Variants in DIAPH3 observed in about 807,000 individuals in gnomAD.
DIAPH3 encodes protein diaphanous homolog 3.
Under a neutral mutation model 144.3 loss-of-function variants are expected in DIAPH3, and 117 were observed. The observed-to-expected ratio is 0.81, with a 90% confidence interval of 0.70 to 0.95. The LOEUF (loss-of-function observed/expected upper bound fraction) is 0.95, where lower values mean the gene tolerates loss of function less well. Among genes scored for constraint, DIAPH3 ranks in the 40% least tolerant of loss-of-function variants. DIAPH3 has a pLI of 0.00. For missense variants in DIAPH3, 1,421 were observed against 1,412.7 expected (o/e 1.01, Z -0.09); for synonymous variants, 519 against 488.9 (o/e 1.06, Z -0.81).
intron 15 of DIAPH3, among the ~76,000 whole-genome samples, chr13:59,973,947 T>TG (rs2050528144): frequency 6.6e-6 from 1 of 152,144 alleles, no homozygotes; most frequent in Non-Finnish European, 1.5e-5. Context: ...ATGTTCTCAT[T>TG]CAGCTAGAGG....
At chr13:59,781,739 T>C (rs2038751145) in intron 25 of DIAPH3, among the ~76,000 whole-genome samples, 1 of 152,218 alleles carries the variant, frequency 6.6e-6, no homozygotes, top group Non-Finnish European at 1.5e-5. Flanking sequence ...TCTATTAATC[T>C]AGAAACAACA....
intron 22 of DIAPH3, chr13:59,861,196 T>C (rs1365766801): frequency 6.9e-7 from 1 of 1,441,752 alleles, no homozygotes; most frequent in Non-Finnish European, 9.1e-7. Flanking sequence ...TTTTATAATA[T>C]AAGGCCTCAT....
chr13:59,867,260 C>T (rs972821316), intron 21 of DIAPH3, among the ~76,000 whole-genome samples: 12 of 151,020 alleles, frequency 7.9e-5, no homozygotes, highest in African/African-American at 2.4e-4. Context: ...CTCTCCACTG[C>T]GCTCCGGCAT....
At chr13:59,781,077 ATTCCATTTTCTTCAGCCACGGTACAAC>A (rs2038711515) in intron 25 of DIAPH3, among the ~76,000 whole-genome samples, 1 of 152,242 alleles carries the variant, frequency 6.6e-6, no homozygotes, top group Non-Finnish European at 1.5e-5. Flanking sequence ...CTCTTTCCTT[ATTCCATTTTCTTCAGCCACGGTACAAC>A]CTGAAATTTT....
chr13:60,079,844 T>C (rs942009179), intron 4 of DIAPH3, among the ~76,000 whole-genome samples: 3 of 151,968 alleles, frequency 2.0e-5, no homozygotes, highest in African/African-American at 7.2e-5. Flanking sequence ...ATGAATCAGA[T>C]TTAAGAAGCC....
At chr13:59,882,942 C>T (rs916882305) in intron 20 of DIAPH3, among the ~76,000 whole-genome samples, 1 of 152,064 alleles carries the variant, frequency 6.6e-6, no homozygotes, top group African/African-American at 2.4e-5. Flanking sequence ...TGTCATATGT[C>T]AGAATGAAGA....
At chr13:60,156,156 T>C (rs1459492429) in intron 1 of DIAPH3, among the ~76,000 whole-genome samples, 1 of 152,336 alleles carries the variant, frequency 6.6e-6, no homozygotes, top group East Asian at 1.9e-4. Context: ...TCTTCCAGCT[T>C]CAGATGGCTG....
In DIAPH3 at chr13:59,992,825, C is replaced by T. The variant is rs145430441; in HGVS notation, c.1015-242G>A. On this transcript the variant is annotated intron_variant, in intron 9 of 27. Transcript: ENST00000400324. The stretch of plus-strand genomic sequence containing the variant: ...GAAGATGGAAAAATATTAGCCGTTA[C>T]TACTGCTCCATAAAAAAATAGAAAA... 8.8e-4 allele frequency among the ~76,000 whole-genome samples: 125 copies of T among 142,598 alleles called. No individual in the cohort carries two copies. In the East Asian group the frequency reaches 0.02, roughly 23 times the overall value. 93.5% of individuals were successfully genotyped at this position (142,598 alleles called of 152,430 possible).
chr13:59,985,451 T>C (rs977350408), intron 12 of DIAPH3, among the ~76,000 whole-genome samples: 5 of 64,092 alleles, frequency 7.8e-5, no homozygotes, highest in African/African-American at 3.5e-4. Flanking sequence ...CTATTCAACA[T>C]AGTATTGGAA....
At chr13:59,936,831 G>A (rs1760935776) in intron 17 of DIAPH3, among the ~76,000 whole-genome samples, 1 of 152,036 alleles carries the variant, frequency 6.6e-6, no homozygotes, top group African/African-American at 2.4e-5. Context: ...GAATGTTGGT[G>A]TTTCCCAGTC....
At chr13:60,121,892 T>C (rs912763682) in intron 2 of DIAPH3, among the ~76,000 whole-genome samples, 7 of 152,114 alleles carry the variant, frequency 4.6e-5, no homozygotes, top group South Asian at 4.1e-4. Context: ...CCTTTATTCA[T>C]CTTCTCTCTG....
intron 22 of DIAPH3, among the ~76,000 whole-genome samples, chr13:59,853,320 G>A (rs2043085212): frequency 6.6e-6 from 1 of 152,058 alleles, no homozygotes; most frequent in South Asian, 2.1e-4. Context: ...TAAATTCACA[G>A]GCTGATATGG....
intron 27 of DIAPH3, among the ~76,000 whole-genome samples, chr13:59,770,401 T>C (rs2038064128): frequency 1.3e-5 from 2 of 152,154 alleles, no homozygotes; most frequent in East Asian, 1.9e-4. Flanking sequence ...AAGACAGATA[T>C]GCTCCTTTAT....
chr13:59,741,984 T>G lies in DIAPH3; in HGVS notation c.3319+32205A>C, dbSNP rs879340480. On this transcript the variant is annotated intron_variant, in intron 27 of 27. Coordinates refer to ENST00000400324, the MANE Select transcript of DIAPH3 (RefSeq NM_001042517.2). ...TAATTCATAAAGGAAAGAGGTTTAA[T>G]GGACTCACAGTTCCACACGGCTGGG... is the stretch of plus-strand genomic sequence containing the variant. 4.6e-5 allele frequency among the ~76,000 whole-genome samples: 7 copies of G among 152,262 alleles called. No homozygotes were observed. In the East Asian group the frequency reaches 1.4e-3, roughly 30 times the overall value.
At chr13:60,099,356 A>G (rs1387186104) in intron 3 of DIAPH3, among the ~76,000 whole-genome samples, 1 of 152,230 alleles carries the variant, frequency 6.6e-6, no homozygotes. Context: ...CTATTTTATA[A>G]TAACATTTTG....
At chr13:59,706,031 G>T (rs868079000) in intron 27 of DIAPH3, among the ~76,000 whole-genome samples, 41 of 151,776 alleles carry the variant, frequency 2.7e-4, no homozygotes, top group African/African-American at 9.0e-4. Context: ...ACCTCCCAAG[G>T]ATAACAAAAT....
intron 23 of DIAPH3, among the ~76,000 whole-genome samples, chr13:59,836,314 G>A (rs1480700986): frequency 3.3e-5 from 5 of 151,744 alleles, no homozygotes; most frequent in African/African-American, 9.7e-5. Flanking sequence ...TAAAAATTTA[G>A]TAAGTACGTA....
At chr13:59,885,448 T>TAAAAA (rs67977635) in intron 20 of DIAPH3, among the ~76,000 whole-genome samples, 49 of 93,048 alleles carry the variant, frequency 5.3e-4, no homozygotes, top group East Asian at 1.4e-3. Flanking sequence ...CTTCTTTCAC[T>TAAAAA]AAAAAAAAAA....
At chr13:59,861,354 T>C in intron 22 of DIAPH3, 53 bp downstream of exon 22, 3 of 1,612,852 alleles carry the variant, frequency 1.9e-6, no homozygotes, top group Non-Finnish European at 2.5e-6. Flanking sequence ...TAATTTTCAG[T>C]CTTTTAGCAC....
Sources: allele counts gnomAD v4.1 joint callset (sites outside exome capture counted in the v4.1 genomes callset), GRCh38; gene constraint gnomAD v4.1.1; transcripts MANE v1.5; gene names NCBI Gene and HGNC (gene_info 2026-07-23, HGNC 2026-07-21).